STAB2: variants seen among roughly 807,000 people sequenced by gnomAD.
STAB2 encodes the protein stabilin 2.
Under a neutral mutation model 338.1 loss-of-function variants are expected in STAB2, and 288 were observed. The observed-to-expected ratio is 0.85, with a 90% confidence interval of 0.77 to 0.94. STAB2 has a LOEUF of 0.94. Ranked by LOEUF, STAB2 falls within the 40% of genes least tolerant of loss-of-function variation. The pLI, the probability that STAB2 is intolerant of heterozygous loss-of-function variation, is 0.00. For synonymous variants in STAB2, 1,202 were observed against 1,193.3 expected (o/e 1.01, Z -0.15); for missense variants, 3,141 against 3,210.1 (o/e 0.98, Z 0.52).
rs138760698 is a variant in STAB2, at chr12:103,730,160, T to A, written c.5127T>A (p.Asp1709Glu). The A allele has an allele frequency of 1.6e-5, 25 of 1,612,736 alleles. No individual in the cohort carries two copies. The highest frequency in any genetic ancestry group is 2.0e-5 in the Non-Finnish European group (24 of 1,179,580). Residue 1709 changes from aspartate (D) to glutamate (E), a missense_variant, in exon 49 of 69, where the codon GAT (aspartate) becomes GAA (glutamate). Coordinates refer to ENST00000388887, the MANE Select transcript of STAB2 (RefSeq NM_017564.10). ...INNKAKIISS[D>E]IISTNGIVHI... ...ATAAGGCTAAGATCATATCCAGTGA[T>A]ATCATCAGTACTAATGGGATTGTTC... is the stretch of plus-strand genomic sequence containing the variant.
intron 26 of STAB2, 43 bp downstream of exon 26, chr12:103,683,343 A>AC (rs1877101595): frequency 6.6e-7 from 1 of 1,518,272 alleles, no homozygotes; most frequent in Non-Finnish European, 9.0e-7. Context: ...AAAAAAAAAA[A>AC]AAAACAATGC....
chr12:103,677,384 C>A, intron 24 of STAB2, 69 bp from the exon 25 acceptor site: 1 of 662,702 alleles, frequency 1.5e-6, no homozygotes, highest in South Asian at 3.8e-5. Context: ...TGGAAATTCT[C>A]TCTTATTTTT....
At chr12:103,737,886 C>A in intron 53 of STAB2, 106 bp downstream of exon 53, 2 of 1,446,984 alleles carry the variant, frequency 1.4e-6, no homozygotes, top group Non-Finnish European at 1.9e-6. Flanking sequence ...CTGTCCTCAG[C>A]AAGACTAGGA....
In STAB2 at chr12:103,633,632, A is replaced by C. The variant is rs557010015; in HGVS notation, c.583+1939A>C. Among the ~76,000 whole-genome samples the C allele has an allele frequency of 2.0e-5, 3 of 152,102 alleles. No homozygotes were observed. The South Asian group carries it at 6.2e-4, about 32-fold the overall frequency. Reference sequence around the variant, plus strand: ...GGGAGGTGGAGGTTGTGGTGAGCCGAGATCACACCATTGCACTCCAGCCTG... The same window carrying C: ...GGGAGGTGGAGGTTGTGGTGAGCCGCGATCACACCATTGCACTCCAGCCTG... On this transcript the variant is annotated intron_variant, in intron 6 of 68. Transcript: ENST00000388887.
chr12:103,705,411 C>T (rs2138976209), intron 36 of STAB2, among the ~76,000 whole-genome samples: 1 of 152,334 alleles, frequency 6.6e-6, no homozygotes, highest in Non-Finnish European at 1.5e-5. Flanking sequence ...TGGAGTACTA[C>T]TTTAAAGTAT....
At chr12:103,668,968 A>C in intron 20 of STAB2, 7 of 411,520 alleles carry the variant, frequency 1.7e-5, no homozygotes, top group East Asian at 7.8e-5. Flanking sequence ...ACTTCCCCAC[A>C]TGGCCCACCC....
Position 103,587,322 on chromosome 12 carries a change from C to T in STAB2, c.-155C>T. The T allele has an allele frequency of 1.5e-6, 1 of 661,458 alleles. No individual in the cohort carries two copies. The highest frequency in any genetic ancestry group is 2.6e-6 in the Non-Finnish European group (1 of 390,628). 41.0% of individuals were successfully genotyped at this position (661,458 alleles called of 1,614,324 possible). A position where few individuals can be genotyped will look rare whatever the true frequency, so the allele number is the denominator to read the frequency against. On this transcript the variant is annotated 5_prime_UTR_variant, in exon 1 of 69. Transcript: ENST00000388887. ...TTTCCTTTCTGAAGGCAGGTCTCAC[C>T]TATCTCCTGGTTCGATCTAGGAAAA... is the stretch of plus-strand genomic sequence containing the variant.
intron 3 of STAB2, among the ~76,000 whole-genome samples, chr12:103,614,030 CAT>C (rs906159897): frequency 3.9e-5 from 6 of 152,126 alleles, no homozygotes; most frequent in African/African-American, 1.4e-4. Flanking sequence ...TTCTTGAATA[CAT>C]AGAGTACAGT....
At chr12:103,691,995 A>G (rs572785528) in intron 30 of STAB2, among the ~76,000 whole-genome samples, 24 of 152,230 alleles carry the variant, frequency 1.6e-4, no homozygotes, top group Non-Finnish European at 3.1e-4. Flanking sequence ...TCTGATCAGG[A>G]AAGTCAATTA....
intron 28 of STAB2, 145 bp from the exon 29 acceptor site, chr12:103,689,701 C>A: frequency 2.1e-6 from 2 of 942,540 alleles, no homozygotes; most frequent in Non-Finnish European, 3.1e-6. Flanking sequence ...GAGGCAACAG[C>A]CAGTGGGTGG....
At position 103,658,826 on chromosome 12, in the gene STAB2, A is replaced by T. The variant is rs1407559970; in HGVS notation, c.1735-1505A>T. 2.0e-5 allele frequency among the ~76,000 whole-genome samples: 3 copies of T among 152,202 alleles called. No individual in the cohort carries two copies. In the East Asian group the frequency reaches 5.8e-4, roughly 29 times the overall value. ...GATGGGTGGTTAGCAAACCAGACAG[A>T]CCCAGCCCCTGCCTTCCAGGAGTTT... On this transcript the variant is annotated intron_variant, in intron 15 of 68. Transcript: ENST00000388887.
rs1251088261 is a variant in STAB2 at position 103,745,110 on chromosome 12, TC to T, written c.6032-62del. 3 of 1,438,000 alleles carry T rather than the reference TC, an allele frequency of 2.1e-6. No individual in the cohort carries two copies. In the African/African-American group the frequency reaches 4.3e-5, roughly 20 times the overall value. The allele number at this position is 1,438,000 out of a possible 1,614,324, so 89.1% of individuals were successfully genotyped here. A position where few individuals can be genotyped will look rare whatever the true frequency, so the allele number is the denominator to read the frequency against. Reference sequence around the variant, plus strand: ...CTGAAAATGCATAGCAAACAAGGGGTCAGGGAGCTGGTTGATTGGGTCTCAA... The same window carrying T: ...CTGAAAATGCATAGCAAACAAGGGGTAGGGAGCTGGTTGATTGGGTCTCAA... On this transcript the variant is annotated intron_variant, in intron 56 of 68. Transcript: ENST00000388887.
chr12:103,700,933 T>G (rs2138955476), intron 34 of STAB2, among the ~76,000 whole-genome samples: 1 of 151,564 alleles, frequency 6.6e-6, no homozygotes, highest in Admixed American at 6.6e-5. Flanking sequence ...GCCATGCTGG[T>G]GCGCTGCACC....
rs368260387 is a variant in STAB2 at position 103,730,164 on chromosome 12, A to G, written c.5131A>G (p.Ile1711Val). Residue 1711 changes from isoleucine to valine, a missense_variant, in exon 49 of 69, where the codon ATC (isoleucine) becomes GTC (valine). Transcript: ENST00000388887. ...GGCTAAGATCATATCCAGTGATATC[A>G]TCAGTACTAATGGGATTGTTCATAT... Reference protein sequence around the residue: ...NKAKIISSDIISTNGIVHIID... With the variant: ...NKAKIISSDIVSTNGIVHIID... The G allele has an allele frequency of 1.8e-5, 29 of 1,613,302 alleles. No individual in the cohort carries two copies. The highest frequency in any genetic ancestry group is 2.3e-5 in the Non-Finnish European group (27 of 1,179,706).
chr12:103,765,961 C>T, intron 68 of STAB2: 1 of 435,874 alleles, frequency 2.3e-6, no homozygotes, highest in Non-Finnish European at 4.4e-6. Flanking sequence ...GGTGCTTATA[C>T]CTTGCTAAAT....
chr12:103,713,888 C>T (rs1426740366), intron 42 of STAB2, 120 bp downstream of exon 42: 26 of 1,494,710 alleles, frequency 1.7e-5, no homozygotes, highest in Middle Eastern at 4.8e-4. Flanking sequence ...TTCCATTTGC[C>T]AGGGCAGGAA....
Position 103,695,217 on chromosome 12 carries a change from G to A in STAB2, c.3376-333G>A, listed in dbSNP as rs1217549341. Among the ~76,000 whole-genome samples the A allele has an allele frequency of 2.0e-5, 3 of 152,316 alleles. No homozygotes were observed. The South Asian group carries it at 6.2e-4, about 32-fold the overall frequency. ...ACCTGCTGTGTTTCACCTCGATTTG[G>A]TCTAAGGTCTTCTCTGACAAGGTAG... On this transcript the variant is annotated intron_variant, in intron 31 of 68. Transcript: ENST00000388887.
At chr12:103,738,932 A>G (rs927563311) in intron 53 of STAB2, among the ~76,000 whole-genome samples, 3 of 152,168 alleles carry the variant, frequency 2.0e-5, no homozygotes, top group Admixed American at 2.0e-4. Context: ...CTTCAGAATT[A>G]TCTGTGGCAA....
At chr12:103,613,292 A>T (rs1416596967) in intron 3 of STAB2, among the ~76,000 whole-genome samples, 1 of 152,158 alleles carries the variant, frequency 6.6e-6, no homozygotes, top group Non-Finnish European at 1.5e-5. Flanking sequence ...GAGGTGGAGT[A>T]TACAGAGGTA....
Sources: allele counts gnomAD v4.1 joint callset (sites outside exome capture counted in the v4.1 genomes callset), GRCh38; gene constraint gnomAD v4.1.1; transcripts MANE v1.5; gene names NCBI Gene and HGNC (gene_info 2026-07-23, HGNC 2026-07-21).